The following AHCYL2 variants were observed in gnomAD, a reference collection of about 807,000 sequenced individuals.
The protein encoded by AHCYL2 is S-adenosylhomocysteine hydrolase-like protein 2.
AHCYL2 carries 28 observed loss-of-function variants against 81.4 expected under a neutral mutation model. The observed-to-expected ratio is 0.34, with a 90% CI of 0.25 to 0.47. The LOEUF (loss-of-function observed/expected upper bound fraction) is 0.47, where lower values mean the gene tolerates loss of function less well. Among genes scored for constraint, AHCYL2 ranks in the 20% least tolerant of loss-of-function variants. AHCYL2 has a pLI of 1.00. For synonymous variants in AHCYL2, 272 were observed against 290.2 expected (o/e 0.94, Z 0.64); for missense variants, 551 against 785.1 (o/e 0.70, Z 3.56).
intron 1 of AHCYL2, among the ~76,000 whole-genome samples, chr7:129,372,231 CA>C (rs2150865424): frequency 6.6e-6 from 1 of 152,306 alleles, no homozygotes; most frequent in South Asian, 2.1e-4. Context: ...TCTCAGCATA[CA>C]TTTTAAATAG....
intron 1 of AHCYL2, among the ~76,000 whole-genome samples, chr7:129,286,108 G>A (rs1409139607): frequency 4.6e-5 from 7 of 152,100 alleles, no homozygotes; most frequent in Admixed American, 2.6e-4. Flanking sequence ...AGGTCACAGT[G>A]TCTTTCTTTG....
At chr7:129,256,555 C>CG (rs1795435299) in intron 1 of AHCYL2, among the ~76,000 whole-genome samples, 1 of 134,376 alleles carries the variant, frequency 7.4e-6, no homozygotes, top group Non-Finnish European at 1.6e-5. Flanking sequence ...CCCCACCCCC[C>CG]CCCCGCCTTA....
chr7:129,277,506 C>T (rs1011766829), intron 1 of AHCYL2, among the ~76,000 whole-genome samples: 1 of 152,088 alleles, frequency 6.6e-6, no homozygotes, highest in Non-Finnish European at 1.5e-5. Context: ...TCTCGAACTC[C>T]TGGGCTCAGG....
At position 129,410,360 on chromosome 7, in the gene AHCYL2, C is replaced by T. The variant is rs113244087; in HGVS notation, c.1366+814C>T. The T allele has an allele frequency of 7.7e-5, 125 of 1,614,124 alleles. 1 individual carries two copies. The African/African-American group carries it at 1.2e-3, about 15-fold the overall frequency. On this transcript the variant is annotated intron_variant, in intron 11 of 16. Transcript: ENST00000325006. ...CTTTAGCTCTAGGCGTGTTGGTTTC[C>T]GTCTCAGCATACTGAAGTCAACACT...
intron 1 of AHCYL2, among the ~76,000 whole-genome samples, chr7:129,373,326 A>G (rs1794505617): frequency 6.6e-6 from 1 of 152,136 alleles, no homozygotes; most frequent in Non-Finnish European, 1.5e-5. Context: ...TGGGCGGATC[A>G]CGAGGTCAGG....
chr7:129,289,050 G>C (rs529617004), intron 1 of AHCYL2, among the ~76,000 whole-genome samples: 1 of 152,032 alleles, frequency 6.6e-6, no homozygotes, highest in South Asian at 2.1e-4. Context: ...CCAAAGTGCT[G>C]GGATTACAGG....
At chr7:129,252,166 G>A (rs1412814413) in intron 1 of AHCYL2, among the ~76,000 whole-genome samples, 2 of 152,120 alleles carry the variant, frequency 1.3e-5, no homozygotes, top group Non-Finnish European at 2.9e-5. Flanking sequence ...AACCCCTGAT[G>A]CCATGACATA....
At chr7:129,266,763 A>G (rs899563309) in intron 1 of AHCYL2, among the ~76,000 whole-genome samples, 1 of 152,202 alleles carries the variant, frequency 6.6e-6, no homozygotes, top group Non-Finnish European at 1.5e-5. Flanking sequence ...GGAGGATTAT[A>G]ATAGAGTAGA....
At chr7:129,364,100 G>A (rs35305688) in intron 1 of AHCYL2, among the ~76,000 whole-genome samples, 37,642 of 151,610 alleles carry the variant, frequency 0.25, 5,915 homozygotes, top group East Asian at 0.57. Context: ...TGTGCCAGGT[G>A]TGGTGGTGCA....
In AHCYL2 at chr7:129,406,473, C is replaced by T; in HGVS notation, c.1295+7C>T. ...TCTGTGCCCTGCAAGCCTGGTAAGC[C>T]TCTACGCTACCATCTCACTTGCAAT... On this transcript the variant is annotated splice_region_variant and intron_variant, in intron 10 of 16. Transcript: ENST00000325006. This position sits in a 1 kb window ranked among gnomAD's most constrained non-coding sequence, Gnocchi z 4.3. 1 of 1,613,028 alleles carries T rather than the reference C, an allele frequency of 6.2e-7. No individual in the cohort carries two copies. The highest frequency in any genetic ancestry group is 1.1e-5 in the South Asian group (1 of 91,022).
intron 1 of AHCYL2, among the ~76,000 whole-genome samples, chr7:129,283,164 C>T (rs1796509396): frequency 6.6e-6 from 1 of 152,206 alleles, no homozygotes; most frequent in South Asian, 2.1e-4. Flanking sequence ...CCATCCTGCA[C>T]ACTGTCTCTG....
chr7:129,261,692 C>G (rs1795650447), intron 1 of AHCYL2, among the ~76,000 whole-genome samples: 1 of 152,152 alleles, frequency 6.6e-6, no homozygotes, highest in Non-Finnish European at 1.5e-5. Context: ...ATAATCTAGT[C>G]TCTTTTTTTC....
intron 1 of AHCYL2, among the ~76,000 whole-genome samples, chr7:129,285,665 C>G (rs1796602022): frequency 6.6e-6 from 1 of 150,532 alleles, no homozygotes; most frequent in Non-Finnish European, 1.5e-5. Flanking sequence ...GAGTTCTGAG[C>G]AGTAATCCTC....
chr7:129,422,967 C>A (rs1797184250), intron 13 of AHCYL2, 29 bp downstream of exon 13: 2 of 1,601,092 alleles, frequency 1.2e-6, no homozygotes, highest in South Asian at 2.2e-5. Context: ...AAAATACTCC[C>A]CCACAACAGG....
intron 1 of AHCYL2, among the ~76,000 whole-genome samples, chr7:129,339,246 G>T (rs867738874): frequency 6.6e-6 from 1 of 152,110 alleles, no homozygotes; most frequent in Non-Finnish European, 1.5e-5. Flanking sequence ...ACACTCATAC[G>T]TTCATGGTGG....
intron 1 of AHCYL2, among the ~76,000 whole-genome samples, chr7:129,349,429 G>A (rs1171492769): frequency 5.1e-5 from 7 of 136,612 alleles, no homozygotes; most frequent in East Asian, 2.1e-4. Context: ...AGGTCAGTTC[G>A]AGACTAGCCT....
At chr7:129,296,625 C>T (rs1797059295) in intron 1 of AHCYL2, among the ~76,000 whole-genome samples, 1 of 152,036 alleles carries the variant, frequency 6.6e-6, no homozygotes, top group African/African-American at 2.4e-5. Flanking sequence ...TAGGAGGATC[C>T]CTTCAGCCCA....
intron 6 of AHCYL2, among the ~76,000 whole-genome samples, chr7:129,400,826 A>T (rs1394699929): frequency 6.6e-6 from 1 of 152,214 alleles, no homozygotes; most frequent in Non-Finnish European, 1.5e-5. Context: ...ACTAGAAAAA[A>T]AATAAAAATA....
At chr7:129,247,274 T>C (rs1490581609) in intron 1 of AHCYL2, among the ~76,000 whole-genome samples, 1 of 152,264 alleles carries the variant, frequency 6.6e-6, no homozygotes, top group Non-Finnish European at 1.5e-5. Flanking sequence ...ATCGAAGCAG[T>C]TGTATAGTGC....
Sources: allele counts gnomAD v4.1 joint callset (sites outside exome capture counted in the v4.1 genomes callset), GRCh38; gene constraint gnomAD v4.1.1; non-coding constraint Gnocchi (gnomAD v3.1); transcripts MANE v1.5; gene names NCBI Gene and HGNC (gene_info 2026-07-23, HGNC 2026-07-21).